CTIF: variants seen among roughly 807,000 people sequenced by gnomAD.
The protein encoded by CTIF is cap binding complex dependent translation initiation factor.
In CTIF, 21 loss-of-function variants were observed where a neutral mutation model predicts 66.0. That is an observed-to-expected ratio of 0.32 (90% CI 0.23 to 0.46). The LOEUF is 0.46. Ranked by LOEUF, CTIF falls within the 20% of genes least tolerant of loss-of-function variation. The pLI is 1.00. For missense variants in CTIF, 739 were observed against 812.7 expected (o/e 0.91, Z 1.10); for synonymous variants, 345 against 326.4 (o/e 1.06, Z -0.62).
At chr18:48,561,464 C>T in intron 1 of CTIF, among the ~76,000 whole-genome samples, 1 of 152,178 alleles carries the variant, frequency 6.6e-6, no homozygotes, top group East Asian at 1.9e-4. Context: ...CTTGGCTTTG[C>T]AGCAACGGAG....
At chr18:48,613,980 C>T (rs1390841278) in intron 1 of CTIF, among the ~76,000 whole-genome samples, 2 of 152,220 alleles carry the variant, frequency 1.3e-5, no homozygotes, top group Admixed American at 1.3e-4. Context: ...TCATCCATCA[C>T]CTGGCAGGGA....
intron 1 of CTIF, among the ~76,000 whole-genome samples, chr18:48,610,321 G>A (rs1383156917): frequency 6.6e-6 from 1 of 152,110 alleles, no homozygotes; most frequent in Non-Finnish European, 1.5e-5. Flanking sequence ...GGCTTTGGGG[G>A]CAGACCTGGA....
intron 1 of CTIF, among the ~76,000 whole-genome samples, chr18:48,617,356 GTCTC>G (rs956759572): frequency 2.6e-5 from 4 of 152,204 alleles, no homozygotes; most frequent in African/African-American, 9.6e-5. Flanking sequence ...CTCCTGAATA[GTCTC>G]TCTATCTTAA....
chr18:48,600,496 G>T (rs140031140), intron 1 of CTIF, among the ~76,000 whole-genome samples: 44 of 152,212 alleles, frequency 2.9e-4, no homozygotes, highest in African/African-American at 1.0e-3. Context: ...CCACTCTGGG[G>T]ATGTCCTTGA....
At chr18:48,639,433 C>T (rs899791442) in intron 3 of CTIF, among the ~76,000 whole-genome samples, 3 of 151,962 alleles carry the variant, frequency 2.0e-5, no homozygotes, top group African/African-American at 7.3e-5. Context: ...GAGATGGGGC[C>T]CAGGGGGCAG....
chr18:48,555,032 G>T (rs1422412156), intron 1 of CTIF, among the ~76,000 whole-genome samples: 1 of 152,172 alleles, frequency 6.6e-6, no homozygotes, highest in Non-Finnish European at 1.5e-5. Flanking sequence ...TTCCCTTAAG[G>T]TTTCTCTGGA....
chr18:48,823,110 C>T (rs1280337928), intron 10 of CTIF, among the ~76,000 whole-genome samples: 1 of 151,932 alleles, frequency 6.6e-6, no homozygotes, highest in Non-Finnish European at 1.5e-5. Context: ...CTGTTCCATA[C>T]TTTGTCTTTC....
At chr18:48,734,828 C>A (rs549570247) in intron 7 of CTIF, among the ~76,000 whole-genome samples, 2 of 152,268 alleles carry the variant, frequency 1.3e-5, no homozygotes, top group African/African-American at 4.8e-5. Flanking sequence ...TTCTCGCAAG[C>A]CTAGACTGAG....
Position 48,635,685 on chromosome 18 carries a change from G to A in CTIF, c.181-929G>A, listed in dbSNP as rs900193938. ...GTCAATATTCAACAACTTCAGCTCC[G>A]GAGGCTACCTAATGTTTAATACAAT... On this transcript the variant is annotated intron_variant, in intron 2 of 11. Transcript: ENST00000256413. Among the ~76,000 whole-genome samples, 22 of 152,194 alleles carry A rather than the reference G, an allele frequency of 1.4e-4. No homozygotes were observed. The East Asian group carries it at 3.1e-3, about 21-fold the overall frequency.
At chr18:48,650,572 T>C (rs556064024) in intron 3 of CTIF, among the ~76,000 whole-genome samples, 104 of 152,306 alleles carry the variant, frequency 6.8e-4, no homozygotes, top group Non-Finnish European at 1.3e-3. Flanking sequence ...CCAGGAGAAC[T>C]TCCCCAACCT....
At chr18:48,817,669 G>A (rs534312130) in intron 10 of CTIF, among the ~76,000 whole-genome samples, 9 of 152,156 alleles carry the variant, frequency 5.9e-5, no homozygotes, top group East Asian at 3.9e-4. Flanking sequence ...CCAGCTACTC[G>A]GGAGGCTGAG....
intron 7 of CTIF, among the ~76,000 whole-genome samples, chr18:48,739,986 T>C (rs149872995): frequency 2.8e-4 from 42 of 152,334 alleles, no homozygotes; most frequent in African/African-American, 9.6e-4. Context: ...GTCTCCTGTG[T>C]TTGAAGGACT....
chr18:48,637,528 C>G (rs1053111774), intron 3 of CTIF, among the ~76,000 whole-genome samples: 1 of 152,236 alleles, frequency 6.6e-6, no homozygotes, highest in Non-Finnish European at 1.5e-5. Flanking sequence ...GGTTTCAGAG[C>G]CGCTGCAGTC....
chr18:48,564,682 G>A (rs960303882), intron 1 of CTIF: 4 of 152,242 alleles, frequency 2.6e-5, no homozygotes, highest in Non-Finnish European at 5.9e-5. Context: ...GCAGTGGTGC[G>A]AACACAGCTT....
chr18:48,619,365 A>G (rs1318573909), intron 1 of CTIF, among the ~76,000 whole-genome samples, 173 bp from the exon 2 acceptor site: 1 of 152,214 alleles, frequency 6.6e-6, no homozygotes, highest in Non-Finnish European at 1.5e-5. Flanking sequence ...TACAGCACAT[A>G]GTTTATGCTG....
At chr18:48,601,304 T>G (rs1378906424) in intron 1 of CTIF, among the ~76,000 whole-genome samples, 1 of 152,214 alleles carries the variant, frequency 6.6e-6, no homozygotes, top group African/African-American at 2.4e-5. Context: ...GTGAGGTAGA[T>G]GTACTGACCG....
Position 48,580,643 on chromosome 18 carries a change from C to T in CTIF, c.-28-38895C>T, listed in dbSNP as rs150479038. Among the ~76,000 whole-genome samples, 154 of 152,298 alleles carry T rather than the reference C, an allele frequency of 1.0e-3. 1 individual carries two copies. Among genetic ancestry groups the T allele is most frequent in the African/African-American group, 3.2e-3 (135 of 41,548 alleles). On this transcript the variant is annotated intron_variant, in intron 1 of 11. Coordinates refer to ENST00000256413, the MANE Select transcript of CTIF (RefSeq NM_014772.3). ...AGTGGGGTTTTTGACTGTGGACCAC[C>T]GTTCGGGACCCTCTCTGACTGGGAC...
At chr18:48,802,914 G>T (rs769638636) in intron 9 of CTIF, among the ~76,000 whole-genome samples, 2 of 152,180 alleles carry the variant, frequency 1.3e-5, no homozygotes, top group Non-Finnish European at 2.9e-5. Flanking sequence ...CTCTGCTCAG[G>T]CTGAAAGGAA....
chr18:48,712,480 G>A (rs1279325934), intron 7 of CTIF, among the ~76,000 whole-genome samples: 2 of 152,172 alleles, frequency 1.3e-5, no homozygotes, highest in Non-Finnish European at 2.9e-5. Context: ...ATGCAAAAGG[G>A]GGAGTTAGAG....
Sources: allele counts gnomAD v4.1 joint callset (sites outside exome capture counted in the v4.1 genomes callset), GRCh38; gene constraint gnomAD v4.1.1; transcripts MANE v1.5; gene names NCBI Gene and HGNC (gene_info 2026-07-23, HGNC 2026-07-21).